The following CLPX variants were observed in gnomAD, a reference collection of about 807,000 sequenced individuals.
The protein encoded by CLPX is caseinolytic mitochondrial matrix peptidase chaperone subunit X, also known as ATP-dependent clpX-like chaperone, mitochondrial.
In CLPX, 34 loss-of-function variants were observed where a neutral mutation model predicts 76.4. The observed-to-expected ratio is 0.45, with a 90% CI of 0.34 to 0.59. CLPX has a LOEUF of 0.59. Among genes scored for constraint, CLPX ranks in the 20% least tolerant of loss-of-function variants. CLPX has a pLI of 0.01. For synonymous variants in CLPX, 248 were observed against 270.9 expected, an observed-to-expected ratio of 0.92 and a Z score of 0.83; for missense variants, 613 against 757.0, an observed-to-expected ratio of 0.81 and a Z score of 2.23.
chr15:65,158,104 C>G, intron 7 of CLPX, 194 bp from the exon 8 acceptor site: 2 of 480,754 alleles, frequency 4.2e-6, no homozygotes, highest in Middle Eastern at 5.6e-4. Context: ...GTGATCATGG[C>G]TCACTCCAGC....
At chr15:65,177,188 C>A (rs1273706428) in intron 3 of CLPX, among the ~76,000 whole-genome samples, 1 of 152,092 alleles carries the variant, frequency 6.6e-6, no homozygotes, top group East Asian at 1.9e-4. Flanking sequence ...CCTGTCTCAG[C>A]CTCCCGAACA....
chr15:65,156,756 T>C (rs1046514647), intron 9 of CLPX, 88 bp downstream of exon 9: 20 of 793,924 alleles, frequency 2.5e-5, no homozygotes, highest in South Asian at 1.1e-4. Context: ...CAGAATCTAA[T>C]TGAATGTGAA....
intron 1 of CLPX, among the ~76,000 whole-genome samples, chr15:65,182,959 T>TG (rs990024636): frequency 3.4e-5 from 5 of 147,020 alleles, no homozygotes; most frequent in Admixed American, 1.4e-4. Flanking sequence ...GTCCAGGAGT[T>TG]GGAGTCCAGC....
chr15:65,156,924 A>C lies in CLPX; in HGVS notation c.1066T>G (p.Phe356Val). The C allele has an allele frequency of 6.2e-7, 1 of 1,606,958 alleles. No individual in the cohort carries two copies. Among genetic ancestry groups the C allele is most frequent in the Non-Finnish European group, 8.5e-7 (1 of 1,174,626 alleles). ...NVEKAQQGIV[F>V]LDEVDKIGSV... is the part of the protein sequence containing the mutation. ...CCAATCTTATCTACTTCATCCAGAA[A>C]GACAATTCCTATAATTTAAGGAGGA... is the stretch of plus-strand genomic sequence containing the variant. The change falls in exon 9 of 14, where the codon TTT becomes GTT. Residue 356 changes from phenylalanine to valine, a missense_variant. Transcript: ENST00000300107.
At chr15:65,174,687 T>C (rs1172609162) in intron 3 of CLPX, among the ~76,000 whole-genome samples, 2 of 152,234 alleles carry the variant, frequency 1.3e-5, no homozygotes, top group Non-Finnish European at 2.9e-5. Flanking sequence ...TTGGCACACA[T>C]AGGAGACTAG....
intron 9 of CLPX, 143 bp downstream of exon 9, chr15:65,156,701 C>T: frequency 2.1e-6 from 1 of 482,536 alleles, no homozygotes; most frequent in Non-Finnish European, 3.7e-6. Flanking sequence ...AGGATCTAAA[C>T]TACTTCAAAA....
intron 6 of CLPX, among the ~76,000 whole-genome samples, chr15:65,160,480 T>C (rs1007922218): frequency 1.3e-5 from 2 of 152,052 alleles, no homozygotes; most frequent in African/African-American, 4.8e-5. Context: ...TGGTTAGGGA[T>C]TGTGATAACA....
intron 6 of CLPX, among the ~76,000 whole-genome samples, chr15:65,161,674 GC>G (rs1389727765): frequency 6.6e-6 from 1 of 152,064 alleles, no homozygotes; most frequent in Non-Finnish European, 1.5e-5. Context: ...GGTATTGACT[GC>G]ATATCTGAAT....
intron 1 of CLPX, 146 bp downstream of exon 1, chr15:65,184,929 G>C: frequency 2.9e-6 from 2 of 687,984 alleles, no homozygotes; most frequent in Non-Finnish European, 5.1e-6. Context: ...CACGGGGAAA[G>C]TGGTGGGTGC....
intron 3 of CLPX, among the ~76,000 whole-genome samples, chr15:65,167,869 T>C (rs574338840): frequency 5.3e-5 from 8 of 151,176 alleles, no homozygotes; most frequent in South Asian, 4.2e-4. Context: ...GCCTGGGAGA[T>C]AGAGCAAGAC....
At chr15:65,185,054 G>A (rs1358456470) in intron 1 of CLPX, 21 bp downstream of exon 1, 1 of 1,554,920 alleles carries the variant, frequency 6.4e-7, no homozygotes, top group Non-Finnish European at 8.7e-7. Flanking sequence ...TGAGGGCTCA[G>A]GAGTGGCACT....
At position 65,149,605 on chromosome 15, in the gene CLPX, C is replaced by A. The variant is rs1488920566; in HGVS notation, c.*1218G>T. ...GGCCGGGTGTGGTGGCTTACGCCTG[C>A]AATCCCAGCACTTTGGGAGGCTGAG... On this transcript the variant is annotated 3_prime_UTR_variant, in exon 14 of 14. Transcript: ENST00000300107. 2.2e-6 allele frequency: 1 copy of A among 449,912 alleles called. No homozygotes were observed. Among genetic ancestry groups the A allele is most frequent in the Non-Finnish European group, 4.5e-6 (1 of 224,548 alleles). 27.9% of individuals were successfully genotyped at this position (449,912 alleles called of 1,614,324 possible).
intron 6 of CLPX, among the ~76,000 whole-genome samples, chr15:65,160,621 TCTCACACA>T (rs1285603960): frequency 7.8e-4 from 100 of 128,554 alleles, no homozygotes; most frequent in South Asian, 2.2e-3. Flanking sequence ...TCTCTCTCTC[TCTCACACA>T]CACACACACA....
chr15:65,167,876 A>C (rs1285460262), intron 3 of CLPX, among the ~76,000 whole-genome samples: 1 of 151,834 alleles, frequency 6.6e-6, no homozygotes, highest in African/African-American at 2.4e-5. Context: ...AGATAGAGCA[A>C]GACTCCATCT....
At chr15:65,153,129 A>G (rs2087744940) in intron 12 of CLPX, among the ~76,000 whole-genome samples, 1 of 151,922 alleles carries the variant, frequency 6.6e-6, no homozygotes, top group African/African-American at 2.4e-5. Context: ...AGAAAAAGCA[A>G]AATATAATCT....
chr15:65,179,555 GA>G (rs1049247995), intron 2 of CLPX, among the ~76,000 whole-genome samples: 1 of 152,036 alleles, frequency 6.6e-6, no homozygotes, highest in Non-Finnish European at 1.5e-5. Context: ...TTCACGTAAT[GA>G]AAAAAACTGT....
rs1201921400 is a variant in CLPX at position 65,149,610 on chromosome 15, C to G, written c.*1213G>C. On this transcript the variant is annotated 3_prime_UTR_variant, in exon 14 of 14. Transcript: ENST00000300107. ...GGTGTGGTGGCTTACGCCTGCAATC[C>G]CAGCACTTTGGGAGGCTGAGGCCAG... is the stretch of plus-strand genomic sequence containing the variant. 4.5e-6 allele frequency: 2 copies of G among 448,362 alleles called. No individual in the cohort carries two copies. The highest frequency in any genetic ancestry group is 4.0e-5 in the African/African-American group (2 of 49,508). The allele number at this position is 448,362 out of a possible 1,614,324, so 27.8% of individuals were successfully genotyped here.
chr15:65,153,310 T>TGTG (rs1281861745), intron 12 of CLPX, among the ~76,000 whole-genome samples: 2 of 151,836 alleles, frequency 1.3e-5, no homozygotes, highest in Non-Finnish European at 2.9e-5. Context: ...ATTAGCCAGG[T>TGTG]GTGGTGGTTC....
intron 10 of CLPX, 22 bp downstream of exon 10, chr15:65,155,670 G>A (rs1174287165): frequency 1.3e-6 from 2 of 1,599,574 alleles, no homozygotes; most frequent in Non-Finnish European, 1.7e-6. Flanking sequence ...TATCCTTCTA[G>A]TAACCCCTCA....
Sources: allele counts gnomAD v4.1 joint callset (sites outside exome capture counted in the v4.1 genomes callset), GRCh38; gene constraint gnomAD v4.1.1; transcripts MANE v1.5; gene names NCBI Gene and HGNC (gene_info 2026-07-23, HGNC 2026-07-21).